RANBP2: variants seen among roughly 807,000 people sequenced by gnomAD.
The protein encoded by RANBP2 is RAN binding protein 2.
A neutral mutation model predicts 303.6 loss-of-function variants in RANBP2; 57 were observed. The observed-to-expected ratio is 0.19, with a 90% CI of 0.15 to 0.23. The LOEUF (loss-of-function observed/expected upper bound fraction) is 0.23. Ranked by LOEUF, RANBP2 falls within the 10% of genes least tolerant of loss-of-function variation. The pLI is 1.00. For missense variants in RANBP2, 3,138 were observed against 3,780.8 expected (o/e 0.83, Z 4.46); for synonymous variants, 1,167 against 1,301.5 (o/e 0.90, Z 2.23).
At position 108,765,598 on chromosome 2, in the gene RANBP2, G is replaced by A; in HGVS notation, c.5059G>A (p.Ala1687Thr). Reference protein sequence around the residue: ...RNEASATKCIACQNPGKQNQT... With the variant: ...RNEASATKCITCQNPGKQNQT... ...TGAAGCCAGTGCTACCAAATGTATT[G>A]CTTGTCAGAATCCAGGTAAACAAAA... The change falls in exon 20 of 29, where the codon GCT becomes ACT. Residue 1687 changes from alanine to threonine, a missense_variant. Coordinates refer to ENST00000283195, the MANE Select transcript of RANBP2 (RefSeq NM_006267.5). 1 of 1,443,100 alleles carries A rather than the reference G, an allele frequency of 6.9e-7. No homozygotes were observed. The highest frequency in any genetic ancestry group is 2.1e-5 in the African/African-American group (1 of 48,168). 89.4% of individuals were successfully genotyped at this position (1,443,100 alleles called of 1,614,324 possible).
chr2:108,839,463 A>G, the RANBP2 span, among the ~76,000 whole-genome samples: 3 of 152,172 alleles, frequency 2.0e-5, no homozygotes, highest in African/African-American at 7.2e-5. Flanking sequence ...TTAAACCTGT[A>G]TATTAATTTG....
At chr2:109,040,871 C>T in the RANBP2 span, among the ~76,000 whole-genome samples, 7 of 152,022 alleles carry the variant, frequency 4.6e-5, no homozygotes, top group African/African-American at 1.5e-4. Flanking sequence ...CTAGCTAACA[C>T]AGTGAAACCC....
chr2:109,272,263 C>T, the RANBP2 span, among the ~76,000 whole-genome samples: 265 of 152,336 alleles, frequency 1.7e-3, 1 homozygote, highest in African/African-American at 6.0e-3. Context: ...AAATCTCTAG[C>T]AATTGCCCAA....
At chr2:109,500,424 A>T in the RANBP2 span, among the ~76,000 whole-genome samples, 1 of 152,106 alleles carries the variant, frequency 6.6e-6, no homozygotes, top group Non-Finnish European at 1.5e-5. Context: ...CTGCAGGCGG[A>T]GGCCATGCAG....
At chr2:109,522,344 T>G in the RANBP2 span, among the ~76,000 whole-genome samples, 1 of 151,250 alleles carries the variant, frequency 6.6e-6, no homozygotes, top group Non-Finnish European at 1.5e-5. Flanking sequence ...CAGGCTTGAG[T>G]GCGATGGCGC....
chr2:109,701,104 G>A, the RANBP2 span, among the ~76,000 whole-genome samples: 1 of 152,210 alleles, frequency 6.6e-6, no homozygotes, highest in African/African-American at 2.4e-5. Context: ...CTTTACAGAA[G>A]GAGAGACTGG....
the RANBP2 span, among the ~76,000 whole-genome samples, chr2:109,494,763 A>G: frequency 6.6e-6 from 1 of 152,024 alleles, no homozygotes; most frequent in South Asian, 2.1e-4. Flanking sequence ...CCAAGGAGGA[A>G]TGGGCAGTGT....
In RANBP2 at chr2:108,719,735, C is replaced by T. The variant is rs1220051475; in HGVS notation, c.72+57C>T. 5.8e-6 allele frequency: 9 copies of T among 1,550,650 alleles called. No individual in the cohort carries two copies. In the Admixed American group the frequency reaches 1.2e-4, roughly 20 times the overall value. Reference sequence around the variant, plus strand: ...GACCTGGCCGGGCGGCGGCCTCGCGCTGCTCAGGCGTCATGGCTCCCGACG... The same window carrying T: ...GACCTGGCCGGGCGGCGGCCTCGCGTTGCTCAGGCGTCATGGCTCCCGACG... On this transcript the variant is annotated intron_variant, in intron 1 of 28. Transcript: ENST00000283195.
At chr2:109,013,728 C>T in the RANBP2 span, among the ~76,000 whole-genome samples, 54,425 of 151,550 alleles carry the variant, frequency 0.36, 12,682 homozygotes, top group East Asian at 0.8. Flanking sequence ...TATAGGCACG[C>T]GCCACCACCC....
the RANBP2 span, chr2:108,907,809 T>C: frequency 6.2e-7 from 1 of 1,608,746 alleles, no homozygotes; most frequent in South Asian, 1.1e-5. Context: ...GTCTTGCGGC[T>C]GTGAGGGAGC....
chr2:109,044,143 A>G, the RANBP2 span, among the ~76,000 whole-genome samples: 1 of 152,238 alleles, frequency 6.6e-6, no homozygotes, highest in Non-Finnish European at 1.5e-5. Flanking sequence ...ACATAGAATT[A>G]TTCTATCCCT....
chr2:109,172,110 A>G, the RANBP2 span, among the ~76,000 whole-genome samples: 1 of 152,328 alleles, frequency 6.6e-6, no homozygotes, highest in Non-Finnish European at 1.5e-5. Flanking sequence ...AGTTCCAGGC[A>G]ATGACCTGGG....
the RANBP2 span, among the ~76,000 whole-genome samples, chr2:109,171,596 G>T: frequency 0.26 from 39,789 of 152,152 alleles, 5,541 homozygotes; most frequent in East Asian, 0.42. Context: ...CCTTCTCGCC[G>T]CCCCTGGTCT....
the RANBP2 span, among the ~76,000 whole-genome samples, chr2:109,611,295 C>A: frequency 6.6e-6 from 1 of 152,116 alleles, no homozygotes; most frequent in African/African-American, 2.4e-5. Context: ...TTAAACTTGA[C>A]ACCAAAAGCA....
In RANBP2 at chr2:108,753,166, G is replaced by A. The variant is rs1367936137; in HGVS notation, c.1917+7G>A. On this transcript the variant is annotated splice_region_variant and intron_variant, in intron 13 of 28. Transcript: ENST00000283195. The stretch of plus-strand genomic sequence containing the variant: ...TCATAGTGTAGACATTCAGGTAACA[G>A]AGTTCCTTTATGAATTTATTGGAGA... 1 of 1,611,418 alleles carries A rather than the reference G, an allele frequency of 6.2e-7. No individual in the cohort carries two copies.
the RANBP2 span, among the ~76,000 whole-genome samples, chr2:109,263,565 G>A: frequency 6.6e-6 from 1 of 152,210 alleles, no homozygotes; most frequent in African/African-American, 2.4e-5. Flanking sequence ...GCCAGGTAGA[G>A]AATTTGCTTT....
At chr2:108,748,284 T>C (rs998790789) in intron 8 of RANBP2, among the ~76,000 whole-genome samples, 1 of 151,374 alleles carries the variant, frequency 6.6e-6, no homozygotes, top group Non-Finnish European at 1.5e-5. Context: ...CTCGGCTCAC[T>C]GCAAGCTCCA....
chr2:109,199,597 T>TCAACGCGAGTGCA, the RANBP2 span, among the ~76,000 whole-genome samples: 1 of 274 alleles, frequency 3.6e-3, no homozygotes, highest in Non-Finnish European at 6.8e-3. Context: ...TGGAATGGAA[T>TCAACGCGAGTGCA]GGAATGGAAT....
chr2:108,783,985 C>G lies in RANBP2; in HGVS notation c.*84C>G, dbSNP rs982527700. The G allele has an allele frequency of 1.2e-5, 16 of 1,338,932 alleles. No individual in the cohort carries two copies. Among genetic ancestry groups the G allele is most frequent in the Non-Finnish European group, 1.7e-5 (16 of 966,274 alleles). 82.9% of individuals were successfully genotyped at this position (1,338,932 alleles called of 1,614,324 possible). A position where few individuals can be genotyped will look rare whatever the true frequency, so the allele number is the denominator to read the frequency against. On this transcript the variant is annotated 3_prime_UTR_variant, in exon 29 of 29. Coordinates refer to ENST00000283195, the MANE Select transcript of RANBP2 (RefSeq NM_006267.5). ...ATTACAATTTGATAGTTATGTTCAG[C>G]TTTTGAAAATGGACGTTTCCGATTT...
Sources: gnomAD v4.1 joint callset for allele counts (sites outside exome capture counted in the v4.1 genomes callset) on GRCh38, gnomAD v4.1.1 for gene constraint, MANE v1.5 for transcripts, NCBI Gene and HGNC (gene_info 2026-07-23, HGNC 2026-07-21) for gene names.